ZNF721: variants seen among roughly 807,000 people sequenced by gnomAD.
ZNF721 encodes zinc finger protein 721.
ZNF721 carries 2 observed loss-of-function variants against 2.4 expected under a neutral mutation model. The ratio of observed to expected loss-of-function variants is 0.82; its 90% confidence interval spans 0.34 to 2.58. The LOEUF (loss-of-function observed/expected upper bound fraction) is 2.58. Among genes scored for constraint, ZNF721 ranks in the 30% most tolerant of loss-of-function variants. ZNF721 has a pLI of 0.11. For synonymous variants in ZNF721, 398 were observed against 381.8 expected, an observed-to-expected ratio of 1.04 and a Z score of -0.50; for missense variants, 1,187 against 1,085.5, an observed-to-expected ratio of 1.09 and a Z score of -1.31.
chr4:490,458 G>A (rs1220374437), intron 1 of ZNF721, among the ~76,000 whole-genome samples: 1 of 151,318 alleles, frequency 6.6e-6, no homozygotes, highest in Non-Finnish European at 1.5e-5. Flanking sequence ...AACAGAGTGA[G>A]ACCCGTCTCA....
At chr4:459,197 T>G (rs1714940378) in intron 2 of ZNF721, among the ~76,000 whole-genome samples, 1 of 152,058 alleles carries the variant, frequency 6.6e-6, no homozygotes, top group Non-Finnish European at 1.5e-5. Flanking sequence ...TGCAAAAACA[T>G]ACCAAACTGT....
chr4:497,566 G>A (rs1716227557), intron 1 of ZNF721, among the ~76,000 whole-genome samples: 1 of 152,082 alleles, frequency 6.6e-6, no homozygotes, highest in African/African-American at 2.4e-5. Flanking sequence ...ATTCATTTTA[G>A]GGAGTCACGA....
chr4:474,027 C>A (rs781983979), intron 1 of ZNF721: 1 of 1,498,626 alleles, frequency 6.7e-7, no homozygotes, highest in Admixed American at 1.8e-5. Flanking sequence ...TACGAATCAT[C>A]CAATACCCGC....
Position 441,921 on chromosome 4 carries a change from G to A in ZNF721, c.2546C>T (p.Ser849Leu). ...TCTCCTATGTACATAAAGGATTGCTGACTGTCTAAAGGCTTTGCCACATTC... is the reference window on the plus strand; with the variant it reads ...TCTCCTATGTACATAAAGGATTGCTAACTGTCTAAAGGCTTTGCCACATTC... ...CEECGKAFRQ[S>L]AILYVHRRIH... Residue 849 changes from serine (S) to leucine (L), a missense_variant, in exon 3 of 3, where the codon TCA (serine) becomes TTA (leucine). Coordinates refer to ENST00000511833, the MANE Select transcript of ZNF721 (RefSeq NM_133474.4). 1 of 1,613,852 alleles carries A rather than the reference G, an allele frequency of 6.2e-7. No individual in the cohort carries two copies. Among genetic ancestry groups the A allele is most frequent in the South Asian group, 1.1e-5 (1 of 91,082 alleles).
chr4:464,896 A>C (rs1053808926), intron 2 of ZNF721, among the ~76,000 whole-genome samples: 1 of 151,546 alleles, frequency 6.6e-6, no homozygotes, highest in Admixed American at 6.6e-5. Context: ...TGGCTAACAC[A>C]GTGAAACCCT....
At chr4:456,023 GA>G (rs1379975759) in intron 2 of ZNF721, among the ~76,000 whole-genome samples, 1 of 151,456 alleles carries the variant, frequency 6.6e-6, no homozygotes, top group Non-Finnish European at 1.5e-5. Context: ...ACCTACAAAA[GA>G]AAACAGTCAT....
At chr4:494,681 G>A (rs528621208) in intron 1 of ZNF721, among the ~76,000 whole-genome samples, 3 of 152,104 alleles carry the variant, frequency 2.0e-5, no homozygotes, top group African/African-American at 2.4e-5. Context: ...AAGTCTGCTG[G>A]TGCTAGAGGG....
intron 1 of ZNF721, among the ~76,000 whole-genome samples, chr4:476,346 G>T (rs1202075292): frequency 6.6e-6 from 1 of 152,206 alleles, no homozygotes; most frequent in African/African-American, 2.4e-5. Context: ...TGGGTAGCCA[G>T]CAAGGACACT....
intron 2 of ZNF721, 53 bp from the exon 3 acceptor site, chr4:444,485 T>C: frequency 6.8e-7 from 1 of 1,464,946 alleles, no homozygotes; most frequent in Non-Finnish European, 9.2e-7. Flanking sequence ...CATATGCATA[T>C]ACTTTACAAA....
Position 443,848 on chromosome 4 carries a change from T to C in ZNF721, c.619A>G (p.Asn207Asp), listed in dbSNP as rs781885961. The change falls in exon 3 of 3, where the codon AAC becomes GAC. Residue 207 changes from asparagine (N) to aspartate (D), a missense_variant. Physicochemically the swap from Asn to Asp is conservative, Grantham distance 23 (BLOSUM62 1). Transcript: ENST00000511833. ...TGAATTTTCTTATATTCATTCAGGT[T>C]TGTGGACCATCCAAAGGCTCTGTCA... Reference protein sequence around the residue: ...DRDRAFGWSTNLNEYKKIHTG... With the variant: ...DRDRAFGWSTDLNEYKKIHTG... The C allele has an allele frequency of 1.7e-4, 282 of 1,613,832 alleles. No homozygotes were observed. The highest frequency in any genetic ancestry group is 3.2e-4 in the Admixed American group (19 of 60,006).
chr4:493,081 TTTAA>T (rs1269353739), intron 1 of ZNF721, among the ~76,000 whole-genome samples: 2 of 152,000 alleles, frequency 1.3e-5, no homozygotes, highest in Non-Finnish European at 2.9e-5. Flanking sequence ...ATTTACCTAT[TTTAA>T]TTGTTTACCT....
In ZNF721 at chr4:472,761, TAA is replaced by T. The variant is rs1372086939; in HGVS notation, c.-93-62_-93-61del. ...TAATTTGACTACAGGTGAAATGTGTTAAGAGAACCAGTTCTGACATGTGACTG... is the reference window on the plus strand; with the variant it reads ...TAATTTGACTACAGGTGAAATGTGTTGAGAACCAGTTCTGACATGTGACTG... On this transcript the variant is annotated intron_variant, in intron 1 of 2. Coordinates refer to ENST00000511833, the MANE Select transcript of ZNF721 (RefSeq NM_133474.4). 2.5e-6 allele frequency: 4 copies of T among 1,598,138 alleles called. No homozygotes were observed. The East Asian group carries it at 8.9e-5, about 36-fold the overall frequency.
chr4:494,438 G>A (rs1202334722), intron 1 of ZNF721, among the ~76,000 whole-genome samples: 2 of 151,794 alleles, frequency 1.3e-5, no homozygotes, highest in East Asian at 1.9e-4. Flanking sequence ...CACCCACCTC[G>A]GCCTCCCAAA....
At chr4:492,801 A>G (rs1372655298) in intron 1 of ZNF721, among the ~76,000 whole-genome samples, 3 of 150,870 alleles carry the variant, frequency 2.0e-5, no homozygotes, top group Non-Finnish European at 3.0e-5. Context: ...CAAAAAAAAA[A>G]AACAAAAAAC....
Position 462,370 on chromosome 4 carries a change from CACTG to C in ZNF721, c.34+10201_34+10204del, listed in dbSNP as rs1459805805. ...TTCAATGCTATTCCCATCAAGCTAC[CACTG>C]ACTTTCTTCACAGAATTGGAGAAAA... On this transcript the variant is annotated intron_variant, in intron 2 of 2. Transcript: ENST00000511833. 2.0e-5 allele frequency among the ~76,000 whole-genome samples: 3 copies of C among 152,170 alleles called. No individual in the cohort carries two copies. In the East Asian group the frequency reaches 5.8e-4, roughly 29 times the overall value.
chr4:463,213 C>A (rs991257401), intron 2 of ZNF721, among the ~76,000 whole-genome samples: 4 of 152,094 alleles, frequency 2.6e-5, no homozygotes, highest in Non-Finnish European at 5.9e-5. Context: ...AAGATACCAT[C>A]TTATGCCAGT....
Position 442,671 on chromosome 4 carries a change from T to C in ZNF721, c.1796A>G (p.Asp599Gly). Residue 599 changes from aspartate to glycine, a missense_variant, in exon 3 of 3, where the codon GAC becomes GGC. Transcript: ENST00000511833. The part of the protein sequence containing the change: ...ECGKAFGRYT[D>G]LNQHKKIHTG... ...ATGAATTTTCTTGTGTTGATTCAGG[T>C]CTGTGTACCGTCCAAAGGCTTTGCC... The C allele has an allele frequency of 6.2e-7, 1 of 1,613,680 alleles. No homozygotes were observed. Among genetic ancestry groups the C allele is most frequent in the Non-Finnish European group, 8.5e-7 (1 of 1,179,840 alleles).
At chr4:496,153 TG>T (rs151317263) in intron 1 of ZNF721, among the ~76,000 whole-genome samples, 1 of 144,880 alleles carries the variant, frequency 6.9e-6, no homozygotes, top group Non-Finnish European at 1.6e-5. Flanking sequence ...TTTTTGTGTG[TG>T]GGGGGTAGAC....
chr4:470,978 G>A (rs1715413854), intron 2 of ZNF721, among the ~76,000 whole-genome samples: 3 of 149,208 alleles, frequency 2.0e-5, no homozygotes, highest in Admixed American at 2.0e-4. Context: ...GTAGCCTGGT[G>A]ACAGAGGAAG....
Sources: allele counts gnomAD v4.1 joint callset (sites outside exome capture counted in the v4.1 genomes callset), GRCh38; gene constraint gnomAD v4.1.1; transcripts MANE v1.5; gene names NCBI Gene and HGNC (gene_info 2026-07-23, HGNC 2026-07-21).